Variants in UVSSA observed in about 807,000 individuals in gnomAD.
UVSSA encodes UV stimulated scaffold protein A.
UVSSA carries 72 observed loss-of-function variants against 73.9 expected under a neutral mutation model. The ratio of observed to expected loss-of-function variants is 0.97; its 90% CI spans 0.81 to 1.19. UVSSA has a LOEUF of 1.19. UVSSA is among the 50% of genes most tolerant of loss of function. UVSSA has a pLI of 0.00. For missense variants in UVSSA, 1,150 were observed against 965.0 expected (o/e 1.19, Z -2.54); for synonymous variants, 454 against 391.3 (o/e 1.16, Z -1.89).
At chr4:1,374,397 G>A (rs1560471950) in intron 8 of UVSSA, among the ~76,000 whole-genome samples, 1 of 152,254 alleles carries the variant, frequency 6.6e-6, no homozygotes, top group Non-Finnish European at 1.5e-5. Context: ...CAGGGTCGGG[G>A]TGAGCCCCAC....
chr4:1,363,911 A>G (rs1234153865), intron 7 of UVSSA, among the ~76,000 whole-genome samples: 1 of 152,266 alleles, frequency 6.6e-6, no homozygotes, highest in Non-Finnish European at 1.5e-5. Flanking sequence ...GCTCCTAAAC[A>G]AAGTGCACTT....
chr4:1,349,189 A>G (rs1349849677), intron 2 of UVSSA, among the ~76,000 whole-genome samples: 3 of 150,456 alleles, frequency 2.0e-5, no homozygotes, highest in Non-Finnish European at 3.0e-5. Context: ...ACAGCTGTAG[A>G]TGATGTAGGT....
In UVSSA at chr4:1,349,758, G is replaced by A. The variant is rs557749685; in HGVS notation, c.333G>A (p.Gln111=). 6.2e-6 allele frequency: 10 copies of A among 1,610,684 alleles called. No individual in the cohort carries two copies. Among genetic ancestry groups the A allele is most frequent in the Non-Finnish European group, 7.6e-6 (9 of 1,177,908 alleles). ...GGGAGGCGGCACAGAGGCTGAGGCA[G>A]GCGACCACCCGGGCCGTGGAAGGGT... ...PPREAAQRLR[Q]ATTRAVEGWN... is the part of the protein sequence containing the mutation. The change falls in exon 3 of 14, where the codon CAG becomes CAA. Residue 111 remains glutamine (Q), a synonymous_variant. Transcript: ENST00000389851.
At chr4:1,394,490 T>C in exon 14 of UVSSA, 1 of 1,613,834 alleles carries the variant, frequency 6.2e-7, no homozygotes, top group African/African-American at 1.3e-5. Flanking sequence ...CAAATAGCTG[T>C]CCAGGTGTCC....
chr4:1,366,187 GTGGC>G, intron 7 of UVSSA, 129 bp from the exon 8 acceptor site: 4 of 702,360 alleles, frequency 5.7e-6, no homozygotes, highest in Non-Finnish European at 1.0e-5. Flanking sequence ...CAGTCCAACC[GTGGC>G]TGATGTTGGA....
chr4:1,380,918 A>C lies in UVSSA; in HGVS notation c.1791A>C (p.Glu597Asp), dbSNP rs764410299. ...FHGKIVPRDD[E>D]GRPLDPEDRA... ...GGAAGATTGTTCCACGGGACGACGAAGGACGGCCGCTCGACCCGGAAGACA... is the reference window on the plus strand; with the variant it reads ...GGAAGATTGTTCCACGGGACGACGACGGACGGCCGCTCGACCCGGAAGACA... Residue 597 changes from glutamate to aspartate, a missense_variant, in exon 12 of 14, where the codon GAA becomes GAC. Transcript: ENST00000389851. 6.2e-6 allele frequency: 10 copies of C among 1,612,932 alleles called. No homozygotes were observed. The South Asian group carries it at 1.1e-4, about 18-fold the overall frequency.
chr4:1,348,405 T>G (rs1001647212), intron 2 of UVSSA, among the ~76,000 whole-genome samples: 2 of 152,246 alleles, frequency 1.3e-5, no homozygotes, highest in African/African-American at 4.8e-5. Context: ...TGGTTGGTGC[T>G]TCTCTTCATT....
chr4:1,344,342 G>A (rs530197810), upstream of UVSSA, among the ~76,000 whole-genome samples: 4 of 152,268 alleles, frequency 2.6e-5, no homozygotes, highest in East Asian at 7.7e-4. Context: ...CTTGAGGCCA[G>A]GAGTTCGAGA....
intron 12 of UVSSA, 55 bp from the exon 13 acceptor site, chr4:1,383,711 A>G: frequency 1.2e-6 from 2 of 1,603,284 alleles, no homozygotes; most frequent in Admixed American, 1.7e-5. Context: ...GGCCTCGGGT[A>G]AGAGGCTCTG....
intron 7 of UVSSA, among the ~76,000 whole-genome samples, chr4:1,365,350 C>T (rs1267936814): frequency 6.6e-6 from 1 of 152,198 alleles, no homozygotes; most frequent in African/African-American, 2.4e-5. Context: ...GTGCCACAGC[C>T]GTGCTGTGTG....
intron 9 of UVSSA, 44 bp from the exon 10 acceptor site, chr4:1,375,989 GT>G: frequency 6.4e-7 from 1 of 1,563,784 alleles, no homozygotes; most frequent in Non-Finnish European, 8.6e-7. Context: ...GTGGCTGTGG[GT>G]GGCACCAGCA....
chr4:1,354,696 G>C, intron 5 of UVSSA, 39 bp from the exon 6 acceptor site: 1 of 1,588,290 alleles, frequency 6.3e-7, no homozygotes, highest in South Asian at 1.1e-5. Context: ...GGAGACGCCA[G>C]TCGGCGCCCT....
upstream of UVSSA, among the ~76,000 whole-genome samples, chr4:1,343,782 C>T (rs1577258978): frequency 6.6e-6 from 1 of 151,386 alleles, no homozygotes; most frequent in Non-Finnish European, 1.5e-5. Context: ...AGTGAAACTC[C>T]GTCTCAAAAA....
At chr4:1,363,276 C>T (rs1716894781) in intron 7 of UVSSA, among the ~76,000 whole-genome samples, 1 of 152,108 alleles carries the variant, frequency 6.6e-6, no homozygotes, top group Non-Finnish European at 1.5e-5. Context: ...ACCAGGGTGC[C>T]CTCATCAGCG....
At chr4:1,395,849 G>T (rs138439520) in exon 14 of UVSSA, 1 of 1,612,828 alleles carries the variant, frequency 6.2e-7, no homozygotes, top group Middle Eastern at 1.7e-4. Flanking sequence ...TCGAGATAAC[G>T]TAGGAATATT....
intron 10 of UVSSA, among the ~76,000 whole-genome samples, chr4:1,379,453 A>G (rs1301083051): frequency 6.6e-6 from 1 of 152,142 alleles, no homozygotes; most frequent in Non-Finnish European, 1.5e-5. Context: ...GGTTGATGAC[A>G]ACAGCAGAGC....
At chr4:1,351,590 C>T (rs1337234264) in intron 3 of UVSSA, 125 bp from the exon 4 acceptor site, 34 of 995,866 alleles carry the variant, frequency 3.4e-5, no homozygotes, top group South Asian at 1.9e-4. Context: ...GGGGTTTCAC[C>T]GTGTTAGCCA....
At position 1,376,140 on chromosome 4, in the gene UVSSA, G is replaced by A. The variant is rs1189297554; in HGVS notation, c.1540G>A (p.Glu514Lys). 4.3e-6 allele frequency: 7 copies of A among 1,610,534 alleles called. No homozygotes were observed. The South Asian group carries it at 6.6e-5, about 15-fold the overall frequency. The change falls in exon 10 of 14, where the codon GAG becomes AAG. Residue 514 changes from glutamate to lysine, a missense_variant. Coordinates refer to ENST00000389851, the MANE Select transcript of UVSSA (RefSeq NM_020894.4). Reference sequence around the variant, plus strand: ...CGTGGACCTGCACTACTGGGGCCAGGAGCTCCCCACAGCCGGGAAGATTGT... The same window carrying A: ...CGTGGACCTGCACTACTGGGGCCAGAAGCTCCCCACAGCCGGGAAGATTGT... Reference protein sequence around the residue: ...YGVDLHYWGQELPTAGKIVKS... With the variant: ...YGVDLHYWGQKLPTAGKIVKS...
chr4:1,381,590 ATCTG>A (rs1719508788), intron 12 of UVSSA, among the ~76,000 whole-genome samples: 3 of 151,576 alleles, frequency 2.0e-5, no homozygotes, highest in African/African-American at 7.3e-5. Flanking sequence ...CCTCGGGCCC[ATCTG>A]CCCACCCTGC....
Sources: allele counts gnomAD v4.1 joint callset (sites outside exome capture counted in the v4.1 genomes callset), GRCh38; gene constraint gnomAD v4.1.1; transcripts MANE v1.5; gene names NCBI Gene and HGNC (gene_info 2026-07-23, HGNC 2026-07-21).